THEMIS: variants seen among roughly 807,000 people sequenced by gnomAD.
THEMIS encodes thymocyte selection associated.
In THEMIS, 37 loss-of-function variants were observed where a neutral mutation model predicts 52.6. The observed-to-expected ratio is 0.70, with a 90% CI of 0.54 to 0.93. The LOEUF (loss-of-function observed/expected upper bound fraction) is 0.93. Among genes scored for constraint, THEMIS ranks in the 40% least tolerant of loss-of-function variants. The pLI is 0.00. For synonymous variants in THEMIS, 292 were observed against 272.7 expected, an observed-to-expected ratio of 1.07 and a Z score of -0.70; for missense variants, 808 against 763.1, an observed-to-expected ratio of 1.06 and a Z score of -0.69.
At chr6:127,793,396 G>A (rs1447798019) in intron 4 of THEMIS, among the ~76,000 whole-genome samples, 1 of 152,176 alleles carries the variant, frequency 6.6e-6, no homozygotes, top group Non-Finnish European at 1.5e-5. Flanking sequence ...CTGAAGTGGA[G>A]GAGTTGTGAT....
intron 2 of THEMIS, among the ~76,000 whole-genome samples, chr6:127,847,402 A>G (rs1779256068): frequency 6.6e-6 from 1 of 151,968 alleles, no homozygotes; most frequent in Admixed American, 6.6e-5. Context: ...CTCATCCAAA[A>G]AGCTCCCAGA....
chr6:127,789,540 C>T (rs1777090096), intron 4 of THEMIS, among the ~76,000 whole-genome samples: 1 of 152,150 alleles, frequency 6.6e-6, no homozygotes, highest in Non-Finnish European at 1.5e-5. Flanking sequence ...CCAGCATCAT[C>T]CTGATACCAA....
chr6:127,829,404 G>T (rs76624440), intron 3 of THEMIS, 72 bp downstream of exon 3: 291 of 1,239,016 alleles, frequency 2.3e-4, no homozygotes, highest in Non-Finnish European at 3.1e-4. Flanking sequence ...CATTCTTCAG[G>T]CTCTAAAATC....
In THEMIS at chr6:127,835,798, T is replaced by C. The variant is rs148644966; in HGVS notation, c.251-5864A>G. Among the ~76,000 whole-genome samples the C allele has an allele frequency of 6.5e-3, 990 of 152,290 alleles. 12 individuals are homozygous for C. Among genetic ancestry groups the C allele is most frequent in the African/African-American group, 0.022 (919 of 41,556 alleles). ...CAGATTTCACCAGCATGTTTGAATATGGAAATGAGCCTCAGGTGACCTCTT... is the reference window on the plus strand; with the variant it reads ...CAGATTTCACCAGCATGTTTGAATACGGAAATGAGCCTCAGGTGACCTCTT... On this transcript the variant is annotated intron_variant, in intron 2 of 5. Transcript: ENST00000368248.
At chr6:127,785,762 T>C (rs1776927950) in intron 4 of THEMIS, among the ~76,000 whole-genome samples, 1 of 151,968 alleles carries the variant, frequency 6.6e-6, no homozygotes, top group African/African-American at 2.4e-5. Flanking sequence ...TGACTCATTA[T>C]ATGAGTACTA....
intron 1 of THEMIS, among the ~76,000 whole-genome samples, chr6:127,867,695 T>C (rs947305411): frequency 6.6e-6 from 1 of 152,100 alleles, no homozygotes; most frequent in African/African-American, 2.4e-5. Context: ...AGAACAGATA[T>C]AGTTAGCGAA....
chr6:127,712,616 G>A (rs1397595715), intron 5 of THEMIS, among the ~76,000 whole-genome samples: 4 of 151,888 alleles, frequency 2.6e-5, no homozygotes, highest in African/African-American at 9.7e-5. Flanking sequence ...CAGTTGATCA[G>A]ACTAACTGAG....
At chr6:127,853,696 G>A (rs1025888659) in intron 2 of THEMIS, among the ~76,000 whole-genome samples, 2 of 151,482 alleles carry the variant, frequency 1.3e-5, no homozygotes, top group African/African-American at 4.8e-5. Context: ...TCTTAATAAT[G>A]GTAACAAAAG....
intron 4 of THEMIS, among the ~76,000 whole-genome samples, chr6:127,760,378 C>G (rs1427077973): frequency 6.6e-6 from 1 of 152,110 alleles, no homozygotes; most frequent in Admixed American, 6.6e-5. Flanking sequence ...TTCATGGTTT[C>G]ATATGACTTT....
intron 2 of THEMIS, among the ~76,000 whole-genome samples, chr6:127,852,519 A>G (rs1258659694): frequency 6.6e-6 from 1 of 151,578 alleles, no homozygotes; most frequent in African/African-American, 2.4e-5. Context: ...GAGTCATACA[A>G]AATATGTCAT....
At chr6:127,826,183 T>A (rs932459308) in intron 3 of THEMIS, among the ~76,000 whole-genome samples, 7 of 152,116 alleles carry the variant, frequency 4.6e-5, no homozygotes, top group Admixed American at 2.0e-4. Context: ...AGGCATTACC[T>A]CAGAAGAGCA....
intron 2 of THEMIS, among the ~76,000 whole-genome samples, chr6:127,838,365 A>C (rs1266934375): frequency 6.6e-6 from 1 of 152,084 alleles, no homozygotes; most frequent in African/African-American, 2.4e-5. Flanking sequence ...ACACAATTAT[A>C]AACCATTTGA....
intron 1 of THEMIS, among the ~76,000 whole-genome samples, chr6:127,898,837 G>A (rs1276742175): frequency 1.3e-5 from 2 of 151,792 alleles, no homozygotes; most frequent in African/African-American, 4.8e-5. Context: ...TAGAACTGAA[G>A]GACATTAGGT....
chr6:127,852,899 T>C (rs1779479669), intron 2 of THEMIS, among the ~76,000 whole-genome samples: 1 of 151,554 alleles, frequency 6.6e-6, no homozygotes, highest in Non-Finnish European at 1.5e-5. Flanking sequence ...ATAAACATCA[T>C]TTTCAAATTG....
At chr6:127,910,921 T>C (rs780125342) in intron 1 of THEMIS, among the ~76,000 whole-genome samples, 1 of 152,100 alleles carries the variant, frequency 6.6e-6, no homozygotes, top group Non-Finnish European at 1.5e-5. Context: ...CTGGGAGCTG[T>C]GGTAGTTTCT....
rs377306805 is a variant in THEMIS, at chr6:127,787,696, A to G, written c.1758+25187T>C. Among the ~76,000 whole-genome samples the G allele has an allele frequency of 3.2e-4, 49 of 152,248 alleles. No homozygotes were observed. In the South Asian group the frequency reaches 0.01, roughly 32 times the overall value. On this transcript the variant is annotated intron_variant, in intron 4 of 5. Transcript: ENST00000368248. ...ATGATTCTCGTTTCTCATCATTACA[A>G]ACATCAGCATGGCATGAGGTTAATA...
At chr6:127,697,563 C>A in the THEMIS span, among the ~76,000 whole-genome samples, 2 of 152,172 alleles carry the variant, frequency 1.3e-5, no homozygotes, top group Non-Finnish European at 2.9e-5. Flanking sequence ...TCCCTATTTT[C>A]TAGTTTTCTC....
chr6:127,814,126 A>G (rs1778045721), intron 3 of THEMIS, among the ~76,000 whole-genome samples, 195 bp from the exon 4 acceptor site: 1 of 152,188 alleles, frequency 6.6e-6, no homozygotes, highest in South Asian at 2.1e-4. Context: ...ACCAACACGC[A>G]TAAGCCCATA....
upstream of THEMIS, among the ~76,000 whole-genome samples, chr6:127,904,123 C>T (rs1354614184): frequency 1.3e-5 from 2 of 152,058 alleles, no homozygotes; most frequent in Non-Finnish European, 2.9e-5. Flanking sequence ...TTGGCAGTTT[C>T]ACATAGCAAA....
Sources: gnomAD v4.1 joint callset for allele counts (sites outside exome capture counted in the v4.1 genomes callset) on GRCh38, gnomAD v4.1.1 for gene constraint, MANE v1.5 for transcripts, NCBI Gene and HGNC (gene_info 2026-07-23, HGNC 2026-07-21) for gene names.